MAP1A: variants seen among roughly 807,000 people sequenced by gnomAD.
MAP1A encodes the protein microtubule-associated protein 1A.
Under a neutral mutation model 185.9 loss-of-function variants are expected in MAP1A, and 42 were observed. The ratio of observed to expected loss-of-function variants is 0.23; its 90% CI spans 0.18 to 0.29. MAP1A has a LOEUF of 0.29. Ranked by LOEUF, MAP1A falls within the 10% of genes least tolerant of loss-of-function variation. The pLI is 1.00. For synonymous variants in MAP1A, 1,229 were observed against 1,335.9 expected (o/e 0.92, Z 1.74); for missense variants, 2,995 against 3,450.4 (o/e 0.87, Z 3.31).
At position 43,529,948 on chromosome 15, in the gene MAP1A, A is replaced by G; in HGVS notation, c.8256+78A>G. ...CAGTAGTGGAACACAGTCCCTATTT[A>G]TTAAAGGATGGGCCTTTTCTAAGGG... On this transcript the variant is annotated intron_variant, in intron 5 of 5. Coordinates refer to ENST00000300231, the MANE Select transcript of MAP1A (RefSeq NM_002373.6). The surrounding 1 kb of genome is among the most constrained non-coding windows in gnomAD (Gnocchi z 4.3). 1 of 1,559,838 alleles carries G rather than the reference A, an allele frequency of 6.4e-7. No homozygotes were observed. Among genetic ancestry groups the G allele is most frequent in the African/African-American group, 1.4e-5 (1 of 73,890 alleles).
Position 43,520,621 on chromosome 15 carries a change from T to A in MAP1A, c.-374-20T>A. ...TTTCTATACCTATTCTCAATATAAATTCCTACATCTCTCCCTCAGGCCAGA... is the reference window on the plus strand; with the variant it reads ...TTTCTATACCTATTCTCAATATAAAATCCTACATCTCTCCCTCAGGCCAGA... On this transcript the variant is annotated intron_variant, in intron 1 of 5. Coordinates refer to ENST00000300231, the MANE Select transcript of MAP1A (RefSeq NM_002373.6). 1 of 1,444,484 alleles carries A rather than the reference T, an allele frequency of 6.9e-7. No homozygotes were observed. Among genetic ancestry groups the A allele is most frequent in the Non-Finnish European group, 9.5e-7 (1 of 1,051,802 alleles). The allele number at this position is 1,444,484 out of a possible 1,614,324, so 89.5% of individuals were successfully genotyped here.
Position 43,525,513 on chromosome 15 carries a change from C to T in MAP1A, c.4040C>T (p.Pro1347Leu), listed in dbSNP as rs528351142. Residue 1347 changes from proline to leucine, a missense_variant, in exon 4 of 6, where the codon CCA (proline) becomes CTA (leucine). Around this residue, in one of 3 missense-constraint regions of MAP1A, gnomAD observed 2,728 missense variants for 2,986.0 expected, o/e 0.91. Transcript: ENST00000300231. Reference protein sequence around the residue: ...DIAIKWEDKVPGLKDRTSEQK... With the variant: ...DIAIKWEDKVLGLKDRTSEQK... ...GCCATAAAGTGGGAAGATAAAGTTC[C>T]AGGGTTGAAAGACAGAACCTCAGAA... is the stretch of plus-strand genomic sequence containing the variant. 22 of 1,614,192 alleles carry T rather than the reference C, an allele frequency of 1.4e-5. No homozygotes were observed. Among genetic ancestry groups the T allele is most frequent in the East Asian group, 2.2e-5 (1 of 44,896 alleles).
Position 43,523,881 on chromosome 15 carries a change from G to C in MAP1A, c.2408G>C (p.Gly803Ala). ...AVPATSGKVY[G>A]TPETELTYPT... ...CCTGCTACCTCTGGCAAAGTCTATG[G>C]AACGCCAGAGACTGAACTCACCTAC... is the stretch of plus-strand genomic sequence containing the variant. The change falls in exon 4 of 6, where the codon GGA (glycine) becomes GCA (alanine). Residue 803 changes from glycine to alanine, a missense_variant. Physicochemically the swap from Gly to Ala is moderately conservative, Grantham distance 60. Around this residue, in one of 3 missense-constraint regions of MAP1A, gnomAD observed 2,728 missense variants for 2,986.0 expected, o/e 0.91. Coordinates refer to ENST00000300231, the MANE Select transcript of MAP1A (RefSeq NM_002373.6). 6.2e-7 allele frequency: 1 copy of C among 1,614,176 alleles called. No homozygotes were observed. Among genetic ancestry groups the C allele is most frequent in the Non-Finnish European group, 8.5e-7 (1 of 1,180,022 alleles).
At position 43,521,950 on chromosome 15, in the gene MAP1A, C is replaced by T; in HGVS notation, c.477C>T (p.Ala159=). The T allele has an allele frequency of 3.1e-6, 5 of 1,614,174 alleles. No individual in the cohort carries two copies. The highest frequency in any genetic ancestry group is 3.4e-6 in the Non-Finnish European group (4 of 1,180,032). The stretch of plus-strand genomic sequence containing the variant: ...AAGCCAAGCGTAGCATTGAGGAGGC[C>T]TGCCTCACTCTGCAGCACTTAAACC... ...SRKAKRSIEE[A]CLTLQHLNRL... The change falls in exon 4 of 6, where the codon GCC becomes GCT. Residue 159 remains alanine, a synonymous_variant. Transcript: ENST00000300231. The surrounding 1 kb of genome is among the most constrained non-coding windows in gnomAD (Gnocchi z 4.6).
In MAP1A at chr15:43,528,408, C is replaced by A; in HGVS notation, c.6935C>A (p.Ala2312Asp). Reference protein sequence around the residue: ...DLTPLSPAPPASLDLALAPAP... With the variant: ...DLTPLSPAPPDSLDLALAPAP... ...ACTCCTCTGAGCCCAGCACCCCCAG[C>A]TTCACTGGACTTGGCCCTAGCTCCA... The change falls in exon 4 of 6, where the codon GCT becomes GAT. Residue 2312 changes from alanine (A) to aspartate (D), a missense_variant. Transcript: ENST00000300231. 6.2e-7 allele frequency: 1 copy of A among 1,613,780 alleles called. No individual in the cohort carries two copies. Among genetic ancestry groups the A allele is most frequent in the Non-Finnish European group, 8.5e-7 (1 of 1,180,040 alleles).
At position 43,523,900 on chromosome 15, in the gene MAP1A, C is replaced by T. The variant is rs2079330920; in HGVS notation, c.2427C>T (p.Leu809=). 2 of 1,614,220 alleles carry T rather than the reference C, an allele frequency of 1.2e-6. No individual in the cohort carries two copies. The highest frequency in any genetic ancestry group is 3.3e-5 in the Admixed American group (2 of 60,030). Residue 809 remains leucine, a synonymous_variant, in exon 4 of 6, where the codon CTC becomes CTT. Transcript: ENST00000300231. Reference sequence around the variant, plus strand: ...TCTATGGAACGCCAGAGACTGAACTCACCTACCCCACTAACATAGTGGCTG... The same window carrying T: ...TCTATGGAACGCCAGAGACTGAACTTACCTACCCCACTAACATAGTGGCTG... ...GKVYGTPETE[L]TYPTNIVAAP...
Position 43,524,551 on chromosome 15 carries a change from G to A in MAP1A, c.3078G>A (p.Glu1026=). 1 of 1,614,122 alleles carries A rather than the reference G, an allele frequency of 6.2e-7. No homozygotes were observed. The highest frequency in any genetic ancestry group is 8.5e-7 in the Non-Finnish European group (1 of 1,180,022). ...EEKSEPQDFQ[E]ADSWGDTKRT... The stretch of plus-strand genomic sequence containing the variant: ...AGTCTGAGCCCCAAGACTTTCAGGA[G>A]GCAGACTCCTGGGGAGACACTAAGC... The change falls in exon 4 of 6, where the codon GAG becomes GAA. Residue 1026 remains glutamate, a synonymous_variant. Coordinates refer to ENST00000300231, the MANE Select transcript of MAP1A (RefSeq NM_002373.6).
chr15:43,516,917 TC>T (rs1191601111), upstream of MAP1A, among the ~76,000 whole-genome samples: 1 of 152,132 alleles, frequency 6.6e-6, no homozygotes, highest in African/African-American at 2.4e-5. Context: ...GACTCAAGAA[TC>T]CCAAGAATCA....
In MAP1A at chr15:43,530,522, G is replaced by C. The variant is rs1382948384; in HGVS notation, c.*298G>C. ...CACTGTCAAATGCTGGTATTGAATG[G>C]GGACTGAGGATGGGTCTCAGAGAGC... On this transcript the variant is annotated 3_prime_UTR_variant, in exon 6 of 6. Transcript: ENST00000300231. The C allele has an allele frequency of 5.8e-6, 2 of 344,886 alleles. No homozygotes were observed. The highest frequency in any genetic ancestry group is 1.1e-5 in the Non-Finnish European group (2 of 188,002). The allele number at this position is 344,886 out of a possible 1,614,324, so 21.4% of individuals were successfully genotyped here.
rs1469749926 is a variant in MAP1A, at chr15:43,525,562, G to C, written c.4089G>C (p.Lys1363Asn). 6.2e-7 allele frequency: 1 copy of C among 1,614,224 alleles called. No individual in the cohort carries two copies. Among genetic ancestry groups the C allele is most frequent in the East Asian group, 2.2e-5 (1 of 44,886 alleles). Residue 1363 changes from lysine to asparagine, a missense_variant, in exon 4 of 6, where the codon AAG becomes AAC. By Grantham distance (94) the Lys-to-Asn change is moderately conservative. Transcript: ENST00000300231. ...AACAGAAGAAGGAACCTGAGCCAAA[G>C]GATGAAGTTTTACAGCAGAAAGACA... Reference protein sequence around the residue: ...TSEQKKEPEPKDEVLQQKDKT... With the variant: ...TSEQKKEPEPNDEVLQQKDKT...
At chr15:43,520,099 G>A (rs755312199) in intron 1 of MAP1A, among the ~76,000 whole-genome samples, 8 of 152,300 alleles carry the variant, frequency 5.3e-5, no homozygotes, top group South Asian at 2.1e-4. Context: ...AGGCTTCTCC[G>A]GGTCTTCTGG....
exon 1 of MAP1A, chr15:43,511,046 G>A: frequency 6.5e-7 from 1 of 1,549,046 alleles, no homozygotes; most frequent in Non-Finnish European, 8.7e-7. Context: ...GACAACTCCG[G>A]GGCTGGGGCT....
Position 43,527,033 on chromosome 15 carries a change from C to G in MAP1A, c.5560C>G (p.Pro1854Ala), listed in dbSNP as rs776351771. 3.1e-5 allele frequency: 49 copies of G among 1,599,538 alleles called. No individual in the cohort carries two copies. The highest frequency in any genetic ancestry group is 1.4e-4 in the South Asian group (12 of 88,184). Residue 1854 changes from proline to alanine, a missense_variant, in exon 4 of 6, where the codon CCT becomes GCT. Physicochemically the swap from Pro to Ala is conservative, Grantham distance 27. This residue lies in a region of MAP1A where 2,728 missense variants were observed against 2,986.0 expected (regional missense o/e 0.91). Coordinates refer to ENST00000300231, the MANE Select transcript of MAP1A (RefSeq NM_002373.6). ...GGTGCCCAAGGACAGACCCCTCCCC[C>G]CTGCACCCCTCTCCCCAGCTCCTGG... ...PWVPKDRPLPPAPLSPAPGPP... is the reference protein window; with the variant it reads ...PWVPKDRPLPAAPLSPAPGPP...
At chr15:43,516,349 G>T (rs183157407), upstream of MAP1A, among the ~76,000 whole-genome samples, 2 of 152,264 alleles carry the variant, frequency 1.3e-5, no homozygotes, top group African/African-American at 4.8e-5. Context: ...TGCAATTAAG[G>T]GGGGATGGGG....
rs747634424 is a variant in MAP1A at position 43,528,118 on chromosome 15, T to C, written c.6645T>C (p.Asp2215=). ...APGPPTRTRH[D]EYLEVTKAPS... is the part of the protein sequence containing the mutation. Reference sequence around the variant, plus strand: ...GACCCCCCACCAGAACCCGGCATGATGAATACCTGGAAGTGACCAAGGCCC... The same window carrying C: ...GACCCCCCACCAGAACCCGGCATGACGAATACCTGGAAGTGACCAAGGCCC... The change falls in exon 4 of 6, where the codon GAT becomes GAC. Residue 2215 remains aspartate (D), a synonymous_variant. Coordinates refer to ENST00000300231, the MANE Select transcript of MAP1A (RefSeq NM_002373.6). The C allele has an allele frequency of 6.2e-7, 1 of 1,614,032 alleles. No individual in the cohort carries two copies. Among genetic ancestry groups the C allele is most frequent in the African/African-American group, 1.3e-5 (1 of 74,994 alleles).
chr15:43,520,945 G>T, intron 2 of MAP1A, 27 bp from the exon 3 acceptor site: 1 of 1,545,504 alleles, frequency 6.5e-7, no homozygotes, highest in Non-Finnish European at 8.7e-7. Context: ...TCCTATATCT[G>T]TGACCACTCC....
At position 43,523,409 on chromosome 15, in the gene MAP1A, C is replaced by T. The variant is rs1399670167; in HGVS notation, c.1936C>T (p.Pro646Ser). The T allele has an allele frequency of 6.2e-7, 1 of 1,612,786 alleles. No individual in the cohort carries two copies. Among genetic ancestry groups the T allele is most frequent in the African/African-American group, 1.3e-5 (1 of 74,882 alleles). ...AACAGAAGCCAGAGAGGAAAGTGAA[C>T]CTGAAGTAAAGGAGGATGTGATAGA... ...DRTEAREESE[P>S]EVKEDVIEKA... The change falls in exon 4 of 6, where the codon CCT (proline) becomes TCT (serine). Residue 646 changes from proline to serine, a missense_variant. Pro to Ser is a moderately conservative substitution (Grantham distance 74). Coordinates refer to ENST00000300231, the MANE Select transcript of MAP1A (RefSeq NM_002373.6).
chr15:43,526,902 T>C lies in MAP1A; in HGVS notation c.5429T>C (p.Val1810Ala). The change falls in exon 4 of 6, where the codon GTT (valine) becomes GCT (alanine). Residue 1810 changes from valine to alanine, a missense_variant. Coordinates refer to ENST00000300231, the MANE Select transcript of MAP1A (RefSeq NM_002373.6). This position sits in a 1 kb window ranked among gnomAD's most constrained non-coding sequence, Gnocchi z 4.7. ...ASPPEMVGQR[V>A]PSAPGQESPI... ...CCACCTGAGATGGTTGGACAAAGGG[T>C]TCCTTCAGCCCCAGGACAAGAGAGT... 1 of 1,614,018 alleles carries C rather than the reference T, an allele frequency of 6.2e-7. No homozygotes were observed. The highest frequency in any genetic ancestry group is 1.1e-5 in the South Asian group (1 of 91,086).
At chr15:43,512,268 C>G in exon 2 of MAP1A, 1 of 1,545,334 alleles carries the variant, frequency 6.5e-7, no homozygotes, top group South Asian at 1.2e-5. Context: ...CGGCACCTAG[C>G]TCACTTCTCC....
Sources: allele counts gnomAD v4.1 joint callset (sites outside exome capture counted in the v4.1 genomes callset), GRCh38; gene constraint gnomAD v4.1.1; regional missense constraint gnomAD v4.1.1; non-coding constraint Gnocchi (gnomAD v3.1); transcripts MANE v1.5; gene names NCBI Gene and HGNC (gene_info 2026-07-23, HGNC 2026-07-21).